Variants in DISC1 observed in about 807,000 individuals in gnomAD.
DISC1 encodes the protein DISC1 scaffold protein.
In DISC1, 57 loss-of-function variants were observed where a neutral mutation model predicts 84.5. The ratio of observed to expected loss-of-function variants is 0.67; its 90% CI spans 0.55 to 0.84. DISC1 has a LOEUF of 0.84. Among genes scored for constraint, DISC1 ranks in the 40% least tolerant of loss-of-function variants. DISC1 has a pLI of 0.00. For synonymous variants in DISC1, 411 were observed against 415.2 expected, an observed-to-expected ratio of 0.99 and a Z score of 0.12; for missense variants, 1,000 against 1,057.8, an observed-to-expected ratio of 0.95 and a Z score of 0.76.
At chr1:231,740,132 C>T (rs1465571404) in intron 3 of DISC1, among the ~76,000 whole-genome samples, 3 of 152,170 alleles carry the variant, frequency 2.0e-5, no homozygotes, top group African/African-American at 7.2e-5. Context: ...GCTTGATCTT[C>T]GACTTCCAGC....
At chr1:231,681,352 GA>G (rs1409331170) in intron 1 of DISC1, among the ~76,000 whole-genome samples, 1 of 152,070 alleles carries the variant, frequency 6.6e-6, no homozygotes. Context: ...GGTCAGTGGA[GA>G]ACATAGATAG....
At chr1:231,653,664 C>T (rs1166865870) in intron 1 of DISC1, among the ~76,000 whole-genome samples, 1 of 152,102 alleles carries the variant, frequency 6.6e-6, no homozygotes, top group Non-Finnish European at 1.5e-5. Context: ...TCCTGTTTTG[C>T]TTTTCCCCTC....
intron 1 of DISC1, among the ~76,000 whole-genome samples, chr1:231,670,344 A>C (rs2062485049): frequency 6.6e-6 from 1 of 152,198 alleles, no homozygotes; most frequent in African/African-American, 2.4e-5. Context: ...CTGAACTTAA[A>C]AGTTAAAAAA....
intron 6 of DISC1, among the ~76,000 whole-genome samples, chr1:231,772,018 T>C (rs1383032970): frequency 6.6e-6 from 1 of 151,870 alleles, no homozygotes; most frequent in African/African-American, 2.4e-5. Context: ...CTCTCTATGT[T>C]GCCCATGCTG....
intron 10 of DISC1, among the ~76,000 whole-genome samples, chr1:231,973,782 C>T (rs1332117944): frequency 3.9e-5 from 6 of 152,134 alleles, no homozygotes; most frequent in African/African-American, 1.4e-4. Context: ...GGGAGTGGGA[C>T]ATCCTTTTTA....
intron 12 of DISC1, among the ~76,000 whole-genome samples, chr1:232,029,613 C>A (rs542375832): frequency 1.3e-5 from 2 of 152,332 alleles, no homozygotes; most frequent in East Asian, 3.9e-4. Flanking sequence ...ATTAAGCATG[C>A]TGCCAGAGCC....
chr1:231,964,153 C>A (rs576212362), intron 10 of DISC1, among the ~76,000 whole-genome samples: 1 of 152,244 alleles, frequency 6.6e-6, no homozygotes, highest in South Asian at 2.1e-4. Flanking sequence ...TTAAGTCTGC[C>A]TTGTTCAGGA....
intron 8 of DISC1, among the ~76,000 whole-genome samples, chr1:231,817,381 G>C (rs2081117280): frequency 2.0e-5 from 3 of 152,178 alleles, no homozygotes; most frequent in Admixed American, 6.5e-5. Context: ...ACCATGCCCA[G>C]CTCACTCTTA....
intron 9 of DISC1, among the ~76,000 whole-genome samples, chr1:231,860,461 T>C (rs1044675327): frequency 1.3e-5 from 2 of 152,182 alleles, no homozygotes; most frequent in Non-Finnish European, 2.9e-5. Flanking sequence ...CAGAAAATAG[T>C]GAATTTTGAA....
intron 9 of DISC1, among the ~76,000 whole-genome samples, chr1:231,912,053 T>G (rs1446038208): frequency 6.6e-6 from 1 of 152,226 alleles, no homozygotes; most frequent in Non-Finnish European, 1.5e-5. Flanking sequence ...CTATGCTGTT[T>G]ATTCTAGTTA....
At chr1:231,832,530 G>C in intron 9 of DISC1, among the ~76,000 whole-genome samples, 1 of 151,992 alleles carries the variant, frequency 6.6e-6, no homozygotes, top group Admixed American at 6.6e-5. Flanking sequence ...AGATGAGGAT[G>C]AAATTTGGAC....
rs150483590 is a variant in DISC1, at chr1:231,657,562, A to G, written c.67+30628A>G. ...CATCATGAAATCTTTGTCCATGCCT[A>G]TGTCCTGAATGGTATTGCCTTGGTT... is the stretch of plus-strand genomic sequence containing the variant. On this transcript the variant is annotated intron_variant, in intron 1 of 12. Coordinates refer to ENST00000439617, the MANE Select transcript of DISC1 (RefSeq NM_018662.3). Among the ~76,000 whole-genome samples, 565 of 152,288 alleles carry G rather than the reference A, an allele frequency of 3.7e-3. 7 individuals carry two copies. The highest frequency in any genetic ancestry group is 0.013 in the African/African-American group (533 of 41,566).
chr1:231,640,029 C>G (rs2125163934), intron 1 of DISC1, among the ~76,000 whole-genome samples: 1 of 152,330 alleles, frequency 6.6e-6, no homozygotes, highest in South Asian at 2.1e-4. Flanking sequence ...AATTGCTTCA[C>G]ATCTGTGCAC....
intron 11 of DISC1, among the ~76,000 whole-genome samples, chr1:232,014,382 T>G (rs370211820): frequency 1.7e-4 from 26 of 152,224 alleles, no homozygotes; most frequent in African/African-American, 6.0e-4. Flanking sequence ...CAGCTGGTTT[T>G]GCTCTTTTTG....
At chr1:231,845,997 A>C (rs1207888744) in intron 9 of DISC1, among the ~76,000 whole-genome samples, 1 of 151,920 alleles carries the variant, frequency 6.6e-6, no homozygotes, top group East Asian at 1.9e-4. Context: ...CCCCCAGAGA[A>C]GGGGGATGTC....
At chr1:231,856,196 G>T (rs116503586) in intron 9 of DISC1, among the ~76,000 whole-genome samples, 1 of 152,122 alleles carries the variant, frequency 6.6e-6, no homozygotes, top group Non-Finnish European at 1.5e-5. Context: ...AGATTTATGT[G>T]TCACAGTATA....
rs1279605453 is a variant in DISC1 at position 232,015,118 on chromosome 1, T to C, written c.2307+6069T>C. Among the ~76,000 whole-genome samples the C allele has an allele frequency of 2.0e-5, 3 of 152,282 alleles. No individual in the cohort carries two copies. The South Asian group carries it at 6.2e-4, about 32-fold the overall frequency. ...AGGTGGCTAAGAGAGGTGTTTCTTC[T>C]GTTCAGTGAGCTGGCTCCTGCTTGT... On this transcript the variant is annotated intron_variant, in intron 11 of 12. Coordinates refer to ENST00000439617, the MANE Select transcript of DISC1 (RefSeq NM_018662.3).
At chr1:231,789,534 A>T (rs1393621514) in intron 6 of DISC1, among the ~76,000 whole-genome samples, 1 of 152,176 alleles carries the variant, frequency 6.6e-6, no homozygotes, top group Non-Finnish European at 1.5e-5. Flanking sequence ...TTCAGAGACG[A>T]TTGCAGCATT....
At chr1:232,010,849 T>A (rs1281455022) in intron 11 of DISC1, among the ~76,000 whole-genome samples, 1 of 152,212 alleles carries the variant, frequency 6.6e-6, no homozygotes, top group Non-Finnish European at 1.5e-5. Context: ...TCTTCAGAGA[T>A]AAGGATACTC....
Sources: allele counts gnomAD v4.1 joint callset (sites outside exome capture counted in the v4.1 genomes callset), GRCh38; gene constraint gnomAD v4.1.1; transcripts MANE v1.5; gene names NCBI Gene and HGNC (gene_info 2026-07-23, HGNC 2026-07-21).